LUC7L2: variants seen among roughly 807,000 people sequenced by gnomAD.
LUC7L2 encodes the protein LUC7 like 2, pre-mRNA splicing factor.
In LUC7L2, 25 loss-of-function variants were observed where a neutral mutation model predicts 52.8. That is an observed-to-expected ratio of 0.47 (90% CI 0.34 to 0.66). The LOEUF is 0.66. Ranked by LOEUF, LUC7L2 falls within the 30% of genes least tolerant of loss-of-function variation. LUC7L2 has a pLI of 0.01. For missense variants in LUC7L2, 328 were observed against 497.8 expected, an observed-to-expected ratio of 0.66 and a Z score of 3.25; for synonymous variants, 144 against 160.9, an observed-to-expected ratio of 0.89 and a Z score of 0.80.
At chr7:139,413,313 C>G (rs1051001119) in intron 8 of LUC7L2, among the ~76,000 whole-genome samples, 6 of 152,146 alleles carry the variant, frequency 3.9e-5, no homozygotes, top group African/African-American at 1.4e-4. Flanking sequence ...AGTCGTTGAG[C>G]TTTCTTCATG....
At chr7:139,396,389 G>C (rs1794665161) in intron 2 of LUC7L2, among the ~76,000 whole-genome samples, 2 of 152,110 alleles carry the variant, frequency 1.3e-5, no homozygotes, top group South Asian at 4.2e-4. Context: ...GCTGCAGTGA[G>C]CCATGATTAT....
intron 1 of LUC7L2, among the ~76,000 whole-genome samples, chr7:139,365,051 A>G (rs1160416626): frequency 1.3e-5 from 2 of 152,250 alleles, no homozygotes; most frequent in African/African-American, 4.8e-5. Flanking sequence ...TTATAGGATT[A>G]AACAGTAGTT....
intron 7 of LUC7L2, among the ~76,000 whole-genome samples, chr7:139,410,797 A>G (rs573900737): frequency 1.4e-4 from 22 of 152,318 alleles, no homozygotes; most frequent in African/African-American, 4.1e-4. Flanking sequence ...AGCATATTAT[A>G]TACTCAGTAT....
intron 1 of LUC7L2, among the ~76,000 whole-genome samples, chr7:139,365,315 C>T (rs1800100149): frequency 6.6e-6 from 1 of 152,178 alleles, no homozygotes; most frequent in African/African-American, 2.4e-5. Context: ...CTGAGACATT[C>T]TTTTACTTCA....
chr7:139,386,322 G>A (rs1794189947), intron 2 of LUC7L2, among the ~76,000 whole-genome samples: 1 of 151,348 alleles, frequency 6.6e-6, no homozygotes. Flanking sequence ...CTTTATACAG[G>A]CGATTAACCA....
intron 1 of LUC7L2, chr7:139,341,406 T>A (rs10265): frequency 6.2e-7 from 1 of 1,613,054 alleles, no homozygotes; most frequent in Non-Finnish European, 8.5e-7. Context: ...AGGGTCCCCG[T>A]CGCACACTTT....
At chr7:139,342,403 A>G (rs1385552484) in intron 1 of LUC7L2, among the ~76,000 whole-genome samples, 1 of 152,170 alleles carries the variant, frequency 6.6e-6, no homozygotes, top group Non-Finnish European at 1.5e-5. Context: ...TACACAATTG[A>G]AAGCCCAAGG....
chr7:139,378,845 G>C (rs1366759910), intron 2 of LUC7L2, among the ~76,000 whole-genome samples: 2 of 152,102 alleles, frequency 1.3e-5, no homozygotes, highest in Non-Finnish European at 2.9e-5. Flanking sequence ...TCCTTTACGT[G>C]GTCCTCAAAA....
chr7:139,401,453 G>T (rs941279008), intron 3 of LUC7L2, among the ~76,000 whole-genome samples: 5 of 151,908 alleles, frequency 3.3e-5, no homozygotes, highest in African/African-American at 1.2e-4. Flanking sequence ...ATTTCTTCAT[G>T]TCCTCAAGTG....
chr7:139,418,408 A>T (rs1225144907), intron 9 of LUC7L2, among the ~76,000 whole-genome samples: 2 of 152,246 alleles, frequency 1.3e-5, no homozygotes, highest in African/African-American at 4.8e-5. Flanking sequence ...CTCAGGTCAC[A>T]TGATGGCCCT....
intron 8 of LUC7L2, among the ~76,000 whole-genome samples, chr7:139,413,811 G>A (rs979476516): frequency 5.9e-5 from 9 of 152,008 alleles, no homozygotes; most frequent in African/African-American, 2.2e-4. Context: ...AGTTCTGTTA[G>A]CAACATCTAT....
chr7:139,379,549 CTTTTTTTTTTTTTTTTTT>C (rs539771697), intron 2 of LUC7L2, among the ~76,000 whole-genome samples: 129 of 52,720 alleles, frequency 2.4e-3, no homozygotes, highest in Middle Eastern at 0.024. Context: ...ATAACTAATG[CTTTTTTTTTTTTTTTTTT>C]TTTTTTTTTT....
chr7:139,389,861 G>T (rs150733837), intron 2 of LUC7L2, among the ~76,000 whole-genome samples: 3 of 152,188 alleles, frequency 2.0e-5, no homozygotes, highest in African/African-American at 7.2e-5. Flanking sequence ...CCTGCCTTCA[G>T]AGTGCTTTTA....
chr7:139,397,562 C>T (rs1203760865), intron 2 of LUC7L2, among the ~76,000 whole-genome samples: 2 of 152,142 alleles, frequency 1.3e-5, no homozygotes, highest in African/African-American at 2.4e-5. Flanking sequence ...TACCAACCCT[C>T]CAGAGATTTT....
Position 139,417,630 on chromosome 7 carries a change from A to G in LUC7L2, c.902A>G (p.His301Arg), listed in dbSNP as rs773591786. Residue 301 changes from histidine (H) to arginine (R), a missense_variant, in exon 9 of 10, where the codon CAT becomes CGT. His to Arg is a conservative substitution (Grantham distance 29). Coordinates refer to ENST00000354926, the MANE Select transcript of LUC7L2 (RefSeq NM_016019.5). ...RTRSKSREKRHRHRSRSSSRS... is the reference protein window; with the variant it reads ...RTRSKSREKRRRHRSRSSSRS... ...CGATCCAAATCTCGGGAGAAACGCCATCGCCACAGGTCCCGCTCCAGCAGC... is the reference window on the plus strand; with the variant it reads ...CGATCCAAATCTCGGGAGAAACGCCGTCGCCACAGGTCCCGCTCCAGCAGC... 2.0e-5 allele frequency: 33 copies of G among 1,614,126 alleles called. No homozygotes were observed. The highest frequency in any genetic ancestry group is 2.6e-5 in the Non-Finnish European group (31 of 1,180,056).
chr7:139,411,235 A>G (rs1360017874), intron 7 of LUC7L2, among the ~76,000 whole-genome samples: 1 of 152,204 alleles, frequency 6.6e-6, no homozygotes, highest in African/African-American at 2.4e-5. Context: ...GTGATTATAT[A>G]ATGCAAATTT....
rs1445446215 is a variant in LUC7L2 at position 139,341,285 on chromosome 7, G to C, written c.-26+768G>C. ...TGCTCGTCAGTCGATAGGGGGAGTC[G>C]GTAGTCTGTCCGACCGTACCATTAG... On this transcript the variant is annotated intron_variant, in intron 1 of 10. Transcript: ENST00000541170. The C allele has an allele frequency of 3.3e-6, 5 of 1,501,148 alleles. No individual in the cohort carries two copies. The East Asian group carries it at 9.2e-5, about 28-fold the overall frequency. The allele number at this position is 1,501,148 out of a possible 1,614,324, so 93.0% of individuals were successfully genotyped here. A position where few individuals can be genotyped will look rare whatever the true frequency, so the allele number is the denominator to read the frequency against.
intron 3 of LUC7L2, among the ~76,000 whole-genome samples, chr7:139,399,449 A>AAT (rs1794801248): frequency 4.0e-5 from 2 of 50,444 alleles, no homozygotes; most frequent in East Asian, 7.9e-4. Flanking sequence ...TGTTTGGGGG[A>AAT]TTTTTTTTTT....
In LUC7L2 at chr7:139,341,848, T is replaced by G. The variant is rs952768248; in HGVS notation, c.-26+1331T>G. Among the ~76,000 whole-genome samples, 3 of 152,160 alleles carry G rather than the reference T, an allele frequency of 2.0e-5. No individual in the cohort carries two copies. In the South Asian group the frequency reaches 6.2e-4, roughly 32 times the overall value. ...CAGGAAAGTGGAATGGAGGATTCAATGCTGGGGATAAAACAATGAAGATGG... is the reference window on the plus strand; with the variant it reads ...CAGGAAAGTGGAATGGAGGATTCAAGGCTGGGGATAAAACAATGAAGATGG... On this transcript the variant is annotated intron_variant, in intron 1 of 10. Transcript: ENST00000541170.
Sources: allele counts gnomAD v4.1 joint callset (sites outside exome capture counted in the v4.1 genomes callset), GRCh38; gene constraint gnomAD v4.1.1; transcripts MANE v1.5; gene names NCBI Gene and HGNC (gene_info 2026-07-23, HGNC 2026-07-21).